The following ATE1 variants were observed in gnomAD, a reference collection of about 807,000 sequenced individuals.
The protein encoded by ATE1 is arginyltransferase 1.
In ATE1, 36 loss-of-function variants were observed where a neutral mutation model predicts 70.5. The ratio of observed to expected loss-of-function variants is 0.51; its 90% CI spans 0.39 to 0.67. The LOEUF (loss-of-function observed/expected upper bound fraction) is 0.67, where lower values mean the gene tolerates loss of function less well. Among genes scored for constraint, ATE1 ranks in the 30% least tolerant of loss-of-function variants. ATE1 has a pLI of 0.00. For missense variants in ATE1, 593 were observed against 629.5 expected, an observed-to-expected ratio of 0.94 and a Z score of 0.62; for synonymous variants, 232 against 219.3, an observed-to-expected ratio of 1.06 and a Z score of -0.51.
intron 9 of ATE1, among the ~76,000 whole-genome samples, chr10:121,840,167 T>C (rs1948576910): frequency 6.6e-6 from 1 of 152,224 alleles, no homozygotes; most frequent in Non-Finnish European, 1.5e-5. Context: ...GCTGCATACA[T>C]ATGTTTGCAG....
chr10:121,743,585 T>G lies in ATE1; in HGVS notation c.*95A>C. 1 of 1,402,976 alleles carries G rather than the reference T, an allele frequency of 7.1e-7. No individual in the cohort carries two copies. The highest frequency in any genetic ancestry group is 9.3e-7 in the Non-Finnish European group (1 of 1,081,020). The allele number at this position is 1,402,976 out of a possible 1,614,324, so 86.9% of individuals were successfully genotyped here. A position where few individuals can be genotyped will look rare whatever the true frequency, so the allele number is the denominator to read the frequency against. On this transcript the variant is annotated 3_prime_UTR_variant, in exon 12 of 12. Coordinates refer to ENST00000224652, the MANE Select transcript of ATE1 (RefSeq NM_001001976.3). ...GTCAAAATAAAAAATGTCTAATTTG[T>G]GGGTGGTGACAGTTATTTCCCCACA...
intron 6 of ATE1, among the ~76,000 whole-genome samples, chr10:121,901,878 G>T (rs4627017): frequency 0.13 from 20,068 of 152,202 alleles, 1,521 homozygotes; most frequent in East Asian, 0.19. Context: ...TATGCCCAAA[G>T]TGGTTTTGGC....
chr10:121,928,049 G>A, upstream of ATE1: 6 of 1,229,422 alleles, frequency 4.9e-6, no homozygotes, highest in Non-Finnish European at 6.1e-6. Context: ...AGCCTCCCGA[G>A]GCTCGCGCGA....
rs1944122617 is a variant in ATE1, at chr10:121,740,691, A to G, written c.*2989T>C. 1 of 152,236 alleles carries G rather than the reference A, an allele frequency of 6.6e-6. No individual in the cohort carries two copies. Among genetic ancestry groups the G allele is most frequent in the African/African-American group, 2.4e-5 (1 of 41,466 alleles). 9.4% of individuals were successfully genotyped at this position (152,236 alleles called of 1,614,324 possible). A position where few individuals can be genotyped will look rare whatever the true frequency, so the allele number is the denominator to read the frequency against. ...TTATCTTTATTCATACTGAAATAAT[A>G]TAAAGCCTATAAAATCAAAGCATAT... On this transcript the variant is annotated 3_prime_UTR_variant, in exon 12 of 12. Transcript: ENST00000224652.
At chr10:121,866,262 T>C (rs529449884) in intron 8 of ATE1, among the ~76,000 whole-genome samples, 1 of 152,272 alleles carries the variant, frequency 6.6e-6, no homozygotes, top group East Asian at 1.9e-4. Context: ...CCCTGTGGAA[T>C]TGCAAACTAG....
chr10:121,866,618 C>G (rs1053330271), intron 8 of ATE1, among the ~76,000 whole-genome samples: 3 of 152,024 alleles, frequency 2.0e-5, no homozygotes, highest in Admixed American at 2.0e-4. Flanking sequence ...GAGGACCAGG[C>G]GGGTGGATCA....
At chr10:121,923,163 T>C (rs2134618890) in intron 2 of ATE1, among the ~76,000 whole-genome samples, 1 of 152,322 alleles carries the variant, frequency 6.6e-6, no homozygotes, top group Non-Finnish European at 1.5e-5. Flanking sequence ...ATAAAATCCT[T>C]CCATGACTGC....
chr10:121,747,441 TC>T (rs1002857064), intron 11 of ATE1, among the ~76,000 whole-genome samples: 17 of 152,208 alleles, frequency 1.1e-4, no homozygotes, highest in African/African-American at 3.4e-4. Flanking sequence ...AAGGGCATTT[TC>T]CCCCCAAACC....
intron 4 of ATE1, among the ~76,000 whole-genome samples, chr10:121,912,185 C>T (rs1037380767): frequency 3.3e-5 from 5 of 152,042 alleles, no homozygotes; most frequent in African/African-American, 1.2e-4. Flanking sequence ...CCACCACACC[C>T]GGCCCCGAAA....
At chr10:121,859,152 T>G (rs1949371991) in intron 8 of ATE1, among the ~76,000 whole-genome samples, 1 of 152,198 alleles carries the variant, frequency 6.6e-6, no homozygotes. Flanking sequence ...AATTTGTGAT[T>G]TATATACTTT....
At chr10:121,772,540 T>A (rs1381220323) in intron 11 of ATE1, among the ~76,000 whole-genome samples, 1 of 152,160 alleles carries the variant, frequency 6.6e-6, no homozygotes, top group South Asian at 2.1e-4. Context: ...CCCAGACTTA[T>A]TCGGAATGAA....
At chr10:121,837,028 T>C (rs1564881972) in intron 9 of ATE1, among the ~76,000 whole-genome samples, 2 of 152,220 alleles carry the variant, frequency 1.3e-5, no homozygotes, top group Non-Finnish European at 2.9e-5. Context: ...CAAATGCATC[T>C]AAGTTCAGGT....
intron 7 of ATE1, among the ~76,000 whole-genome samples, chr10:121,871,342 C>T (rs1409589497): frequency 6.6e-6 from 1 of 151,980 alleles, no homozygotes; most frequent in Non-Finnish European, 1.5e-5. Context: ...GCCTGTAATC[C>T]CAGCTACTTG....
At chr10:121,772,520 T>C (rs945919692) in intron 11 of ATE1, among the ~76,000 whole-genome samples, 1 of 152,250 alleles carries the variant, frequency 6.6e-6, no homozygotes, top group African/African-American at 2.4e-5. Context: ...AAGGGGCCCA[T>C]CAAAAACACC....
chr10:121,877,317 T>C (rs1950086171), intron 7 of ATE1, among the ~76,000 whole-genome samples: 1 of 152,196 alleles, frequency 6.6e-6, no homozygotes, highest in South Asian at 2.1e-4. Context: ...TTTTTTAAAG[T>C]AAACACTAAG....
chr10:121,847,487 G>A (rs368817441), intron 8 of ATE1, among the ~76,000 whole-genome samples: 4 of 151,120 alleles, frequency 2.6e-5, no homozygotes, highest in African/African-American at 4.9e-5. Flanking sequence ...AAGGCCAGGC[G>A]CGGTAGCTCA....
At chr10:121,908,604 G>A (rs537292453) in intron 5 of ATE1, among the ~76,000 whole-genome samples, 31 of 152,298 alleles carry the variant, frequency 2.0e-4, no homozygotes, top group Middle Eastern at 3.4e-3. Flanking sequence ...GCCAGGAAAC[G>A]AAGAAATGAT....
intron 8 of ATE1, among the ~76,000 whole-genome samples, chr10:121,845,239 A>G (rs1195292292): frequency 6.6e-6 from 1 of 152,206 alleles, no homozygotes; most frequent in African/African-American, 2.4e-5. Flanking sequence ...CAGTAAAAAG[A>G]TTAGTGTTGG....
At chr10:121,925,758 T>C (rs1475896768) in intron 1 of ATE1, among the ~76,000 whole-genome samples, 5 of 151,984 alleles carry the variant, frequency 3.3e-5, no homozygotes, top group African/African-American at 1.2e-4. Flanking sequence ...GGCCTGTGCC[T>C]GTGGTCCCAG....
Sources: gnomAD v4.1 joint callset for allele counts (sites outside exome capture counted in the v4.1 genomes callset) on GRCh38, gnomAD v4.1.1 for gene constraint, MANE v1.5 for transcripts, NCBI Gene and HGNC (gene_info 2026-07-23, HGNC 2026-07-21) for gene names.